Variants in CNTN1 observed in about 807,000 individuals in gnomAD.
CNTN1 encodes contactin-1.
In CNTN1, 38 loss-of-function variants were observed where a neutral mutation model predicts 126.4. The ratio of observed to expected loss-of-function variants is 0.30; its 90% CI spans 0.23 to 0.39. CNTN1 has a LOEUF of 0.39. Among genes scored for constraint, CNTN1 ranks in the 10% least tolerant of loss-of-function variants. CNTN1 has a pLI of 1.00. For missense variants in CNTN1, 1,009 were observed against 1,248.4 expected (o/e 0.81, Z 2.89); for synonymous variants, 413 against 422.6 (o/e 0.98, Z 0.28).
At chr12:41,020,841 A>T (rs1948890315) in intron 20 of CNTN1, among the ~76,000 whole-genome samples, 1 of 152,198 alleles carries the variant, frequency 6.6e-6, no homozygotes, top group South Asian at 2.1e-4. Context: ...CATTTCGAAA[A>T]GTCCCTCCAA....
At chr12:40,869,218 T>C (rs1943406247) in intron 1 of CNTN1, among the ~76,000 whole-genome samples, 1 of 150,756 alleles carries the variant, frequency 6.6e-6, no homozygotes, top group Non-Finnish European at 1.5e-5. Context: ...AATATATGCA[T>C]TAAATATTGA....
intron 17 of CNTN1, among the ~76,000 whole-genome samples, chr12:40,996,205 C>T (rs572086447): frequency 5.3e-5 from 8 of 151,516 alleles, no homozygotes; most frequent in South Asian, 2.1e-4. Flanking sequence ...AATCACAGCT[C>T]ACTGCAGCCT....
At chr12:40,693,591 G>A (rs1591979042) in intron 1 of CNTN1, among the ~76,000 whole-genome samples, 1 of 152,182 alleles carries the variant, frequency 6.6e-6, no homozygotes, top group African/African-American at 2.4e-5. Flanking sequence ...GAGGGAAAGC[G>A]GATAGCTGCG....
intron 23 of CNTN1, 50 bp from the exon 24 acceptor site, chr12:41,069,909 A>C (rs754300463): frequency 1.3e-5 from 19 of 1,450,168 alleles, no homozygotes; most frequent in Non-Finnish European, 1.7e-5. Flanking sequence ...AATGAGCAAT[A>C]GTGACATGTA....
chr12:40,908,091 T>A (rs895183648), intron 1 of CNTN1, among the ~76,000 whole-genome samples: 1 of 152,232 alleles, frequency 6.6e-6, no homozygotes, highest in Non-Finnish European at 1.5e-5. Flanking sequence ...CATGATTGCA[T>A]TGTGTCAATA....
At chr12:40,726,168 T>A (rs1482312658) in intron 1 of CNTN1, among the ~76,000 whole-genome samples, 1 of 152,166 alleles carries the variant, frequency 6.6e-6, no homozygotes, top group Non-Finnish European at 1.5e-5. Context: ...ATAACTATTC[T>A]TTATTATTGC....
rs1944914429 is a variant in CNTN1 at position 40,908,455 on chromosome 12, G to A, written c.23G>A (p.Ser8Asn). Residue 8 changes from serine (S) to asparagine (N), a missense_variant, in exon 2 of 24, where the codon AGT becomes AAT. Ser to Asn is a conservative substitution (Grantham distance 46, BLOSUM62 1). Coordinates refer to ENST00000551295, the MANE Select transcript of CNTN1 (RefSeq NM_001843.4). MKMWLLV[S>N]HLVIISITTC... Reference sequence around the variant, plus strand: ...AAGATGAAAATGTGGTTGCTGGTCAGTCATCTTGTGATAATATCTATTACT... The same window carrying A: ...AAGATGAAAATGTGGTTGCTGGTCAATCATCTTGTGATAATATCTATTACT... 1 of 1,612,866 alleles carries A rather than the reference G, an allele frequency of 6.2e-7. No homozygotes were observed. The highest frequency in any genetic ancestry group is 8.5e-7 in the Non-Finnish European group (1 of 1,179,378).
chr12:40,809,373 ATATCCTT>A (rs1167466159), intron 1 of CNTN1, among the ~76,000 whole-genome samples: 1 of 152,212 alleles, frequency 6.6e-6, no homozygotes, highest in Non-Finnish European at 1.5e-5. Context: ...TGGTACATTA[ATATCCTT>A]CTCTGGGGGT....
At chr12:40,892,597 T>C (rs1039088460) in intron 1 of CNTN1, among the ~76,000 whole-genome samples, 5 of 152,008 alleles carry the variant, frequency 3.3e-5, no homozygotes, top group Non-Finnish European at 5.9e-5. Flanking sequence ...AAATAGTACC[T>C]GACTTAGTTA....
At chr12:40,766,382 G>GAA (rs560821402) in intron 1 of CNTN1, among the ~76,000 whole-genome samples, 1 of 115,380 alleles carries the variant, frequency 8.7e-6, no homozygotes, top group South Asian at 2.4e-4. Context: ...AAGAAAGAAA[G>GAA]AAAAAGCATT....
chr12:40,967,272 G>A (rs1947341526), intron 15 of CNTN1, among the ~76,000 whole-genome samples: 1 of 152,002 alleles, frequency 6.6e-6, no homozygotes. Context: ...CAGGAGGTCA[G>A]GAGTTCGAGA....
At chr12:41,018,090 C>CA (rs112670448) in intron 19 of CNTN1, among the ~76,000 whole-genome samples, 391 of 146,828 alleles carry the variant, frequency 2.7e-3, no homozygotes, top group South Asian at 8.6e-3. Context: ...AAGTCCATCT[C>CA]AAAAAAAAAA....
At chr12:40,863,565 A>C (rs1943185300) in intron 1 of CNTN1, among the ~76,000 whole-genome samples, 1 of 152,154 alleles carries the variant, frequency 6.6e-6, no homozygotes, top group Non-Finnish European at 1.5e-5. Flanking sequence ...TGGGCAGTAG[A>C]CTGGTACCAG....
intron 1 of CNTN1, among the ~76,000 whole-genome samples, chr12:40,896,472 C>T (rs1459104098): frequency 6.6e-6 from 1 of 152,176 alleles, no homozygotes; most frequent in Non-Finnish European, 1.5e-5. Context: ...TCACTTCTGA[C>T]TAGACTCACA....
At position 40,944,041 on chromosome 12, in the gene CNTN1, T is replaced by G. The variant is rs1479018728; in HGVS notation, c.1554T>G (p.Val518=). The stretch of plus-strand genomic sequence containing the variant: ...CCCCAATTAATGCCGATATCACAGT[T>G]GGAGAAAACGCCACCATGCAGTGTG... ...ILAPINADIT[V]GENATMQCAA... is the part of the protein sequence containing the mutation. The change falls in exon 14 of 24, where the codon GTT becomes GTG. Residue 518 remains valine (V), a synonymous_variant. Transcript: ENST00000551295. The G allele has an allele frequency of 2.5e-6, 4 of 1,613,494 alleles. No homozygotes were observed. Among genetic ancestry groups the G allele is most frequent in the Non-Finnish European group, 3.4e-6 (4 of 1,179,650 alleles).
chr12:40,707,374 G>A (rs1376337253), intron 1 of CNTN1, among the ~76,000 whole-genome samples: 1 of 150,380 alleles, frequency 6.6e-6, no homozygotes, highest in African/African-American at 2.4e-5. Flanking sequence ...TCAGCCTCCC[G>A]AGTAGCTGGG....
At chr12:40,794,136 CTGAGATAAATAGGATCAT>C (rs1940322609) in intron 1 of CNTN1, among the ~76,000 whole-genome samples, 1 of 152,020 alleles carries the variant, frequency 6.6e-6, no homozygotes. Context: ...AGGAAACCAA[CTGAGATAAATAGGATCAT>C]TGAGCAGCAC....
chr12:40,723,823 T>C (rs1263527180), intron 1 of CNTN1, among the ~76,000 whole-genome samples: 2 of 152,182 alleles, frequency 1.3e-5, no homozygotes, highest in Admixed American at 6.5e-5. Flanking sequence ...AATCTCTGCA[T>C]GTGTTTAAAT....
At chr12:41,043,154 T>A (rs1949457441) in intron 23 of CNTN1, among the ~76,000 whole-genome samples, 1 of 151,996 alleles carries the variant, frequency 6.6e-6, no homozygotes, top group Non-Finnish European at 1.5e-5. Context: ...ACAAATGGGA[T>A]CTAATTAAAC....
Sources: allele counts gnomAD v4.1 joint callset (sites outside exome capture counted in the v4.1 genomes callset), GRCh38; gene constraint gnomAD v4.1.1; transcripts MANE v1.5; gene names NCBI Gene and HGNC (gene_info 2026-07-23, HGNC 2026-07-21).